Variants in TRMT11 observed in about 807,000 individuals in gnomAD.
TRMT11 encodes tRNA (guanine(10)-N(2))-methyltransferase TRMT11.
TRMT11 carries 53 observed loss-of-function variants against 62.8 expected under a neutral mutation model. The ratio of observed to expected loss-of-function variants is 0.84; its 90% confidence interval spans 0.68 to 1.06. The LOEUF (loss-of-function observed/expected upper bound fraction) is 1.06, where lower values mean the gene tolerates loss of function less well. TRMT11 is among the 50% of genes least tolerant of loss of function. TRMT11 has a pLI of 0.00. For missense variants in TRMT11, 556 were observed against 553.4 expected, an observed-to-expected ratio of 1.00 and a Z score of -0.05; for synonymous variants, 188 against 190.3, an observed-to-expected ratio of 0.99 and a Z score of 0.10.
chr6:126,098,230 G>A (rs1037807249), intron 17 of TRMT11, among the ~76,000 whole-genome samples: 2 of 152,074 alleles, frequency 1.3e-5, no homozygotes, highest in Non-Finnish European at 2.9e-5. Context: ...TTGCTGCTGC[G>A]TTCATTTCCT....
intron 21 of TRMT11, among the ~76,000 whole-genome samples, chr6:126,146,764 T>A (rs1005882168): frequency 2.0e-5 from 3 of 152,156 alleles, no homozygotes; most frequent in Non-Finnish European, 4.4e-5. Context: ...GTGATCCACC[T>A]GCCTCAGCCT....
the TRMT11 span, among the ~76,000 whole-genome samples, chr6:126,225,651 T>C: frequency 2.0e-5 from 3 of 151,994 alleles, no homozygotes; most frequent in Non-Finnish European, 4.4e-5. Context: ...CTGCTAGTTT[T>C]TGCCAGAGAT....
chr6:126,211,744 G>T, the TRMT11 span, among the ~76,000 whole-genome samples: 3 of 151,802 alleles, frequency 2.0e-5, no homozygotes, highest in Non-Finnish European at 4.4e-5. Context: ...GTTAAGTGGG[G>T]TACCCACCAC....
the TRMT11 span, among the ~76,000 whole-genome samples, chr6:126,251,189 C>T: frequency 2.6e-5 from 4 of 151,926 alleles, no homozygotes; most frequent in Non-Finnish European, 5.9e-5. Context: ...CGCCACTGTG[C>T]CTGGGTCATT....
chr6:126,225,542 T>C, the TRMT11 span, among the ~76,000 whole-genome samples: 1 of 152,004 alleles, frequency 6.6e-6, no homozygotes, highest in Non-Finnish European at 1.5e-5. Context: ...GAGATGCTCT[T>C]CCCGGCTGCA....
the TRMT11 span, among the ~76,000 whole-genome samples, chr6:126,248,949 G>A: frequency 1.7e-4 from 26 of 151,942 alleles, no homozygotes; most frequent in Middle Eastern, 3.2e-3. Flanking sequence ...TTGTCCCCTG[G>A]GATGTTCTTG....
At chr6:126,064,623 A>G (rs182161777) in intron 17 of TRMT11, among the ~76,000 whole-genome samples, 100 of 151,864 alleles carry the variant, frequency 6.6e-4, no homozygotes, top group African/African-American at 2.3e-3. Flanking sequence ...TTTAATAACC[A>G]TGACAATTTA....
At chr6:126,097,071 A>G (rs1777348838) in intron 17 of TRMT11, among the ~76,000 whole-genome samples, 1 of 152,174 alleles carries the variant, frequency 6.6e-6, no homozygotes, top group African/African-American at 2.4e-5. Flanking sequence ...CTTCTTTCAA[A>G]CAGCATAACT....
At chr6:126,258,156 T>C in the TRMT11 span, 13 of 748,968 alleles carry the variant, frequency 1.7e-5, no homozygotes, top group Non-Finnish European at 2.9e-5. Flanking sequence ...CTCCTCCAGG[T>C]TGAGGCACTT....
chr6:126,212,867 C>A, the TRMT11 span, among the ~76,000 whole-genome samples: 1 of 151,694 alleles, frequency 6.6e-6, no homozygotes, highest in Non-Finnish European at 1.5e-5. Flanking sequence ...TGTCCTGGAG[C>A]CTTTTCCCAT....
intron 21 of TRMT11, among the ~76,000 whole-genome samples, chr6:126,124,673 C>G (rs1321877693): frequency 1.3e-5 from 2 of 152,044 alleles, no homozygotes; most frequent in Non-Finnish European, 2.9e-5. Context: ...TGATGAGAGG[C>G]TTGTAGATCA....
chr6:126,254,602 A>T, the TRMT11 span, among the ~76,000 whole-genome samples: 2 of 152,224 alleles, frequency 1.3e-5, no homozygotes, highest in Admixed American at 1.3e-4. Context: ...ATTTAAGGAC[A>T]TCACTTCTTT....
intron 21 of TRMT11, among the ~76,000 whole-genome samples, chr6:126,153,225 T>G (rs906886938): frequency 5.7e-4 from 87 of 152,216 alleles, no homozygotes; most frequent in African/African-American, 2.1e-3. Context: ...ACAGACATTA[T>G]TTATACAGTT....
chr6:126,012,779 G>A lies in TRMT11; in HGVS notation c.934G>A (p.Gly312Ser), dbSNP rs1344093574. ...CTTTGTTTTCTGTCTAGCTCCATAT[G>A]GTATCAGAGAATCTACAAGAAGAAC... ...FDAIITDPPY[G>S]IRESTRRTGS... is the part of the protein sequence containing the mutation. The change falls in exon 10 of 13, where the codon GGT (glycine) becomes AGT (serine). Residue 312 changes from glycine to serine, a missense_variant. Coordinates refer to ENST00000334379, the MANE Select transcript of TRMT11 (RefSeq NM_001031712.3). 1 of 1,613,036 alleles carries A rather than the reference G, an allele frequency of 6.2e-7. No homozygotes were observed. Among genetic ancestry groups the A allele is most frequent in the Non-Finnish European group, 8.5e-7 (1 of 1,179,222 alleles).
At chr6:125,993,283 CTA>C (rs1187997308) in intron 1 of TRMT11, among the ~76,000 whole-genome samples, 1 of 152,128 alleles carries the variant, frequency 6.6e-6, no homozygotes, top group Non-Finnish European at 1.5e-5. Flanking sequence ...TTTAAAGTAT[CTA>C]TTATGTTAGT....
chr6:126,054,180 C>T (rs781364306), intron 17 of TRMT11, among the ~76,000 whole-genome samples: 3 of 152,160 alleles, frequency 2.0e-5, no homozygotes, highest in Non-Finnish European at 2.9e-5. Flanking sequence ...AAAATGGTGT[C>T]CTTGGCTGAA....
At chr6:126,203,798 TTAAAAA>T (rs1351268917), downstream of TRMT11, among the ~76,000 whole-genome samples, 3 of 152,196 alleles carry the variant, frequency 2.0e-5, no homozygotes, top group African/African-American at 7.2e-5. Flanking sequence ...CTACTACATA[TTAAAAA>T]TAATATTAGA....
chr6:125,996,424 G>A (rs781356763), intron 3 of TRMT11, among the ~76,000 whole-genome samples: 7 of 152,156 alleles, frequency 4.6e-5, no homozygotes, highest in Non-Finnish European at 8.8e-5. Flanking sequence ...GAAGTGTAAG[G>A]TAACAAAAAG....
chr6:126,206,813 A>G (rs1316266928), downstream of TRMT11, among the ~76,000 whole-genome samples: 2 of 152,256 alleles, frequency 1.3e-5, no homozygotes, highest in African/African-American at 4.8e-5. Context: ...TTAATTTAAC[A>G]TAACTGAATT....
Sources: allele counts gnomAD v4.1 joint callset (sites outside exome capture counted in the v4.1 genomes callset), GRCh38; gene constraint gnomAD v4.1.1; transcripts MANE v1.5; gene names NCBI Gene and HGNC (gene_info 2026-07-23, HGNC 2026-07-21).